PALD1: variants seen among roughly 807,000 people sequenced by gnomAD.
PALD1 encodes paladin.
A neutral mutation model predicts 96.0 loss-of-function variants in PALD1; 57 were observed. The observed-to-expected ratio is 0.59, with a 90% CI of 0.48 to 0.74. The LOEUF (loss-of-function observed/expected upper bound fraction) is 0.74, where lower values mean the gene tolerates loss of function less well. Ranked by LOEUF, PALD1 falls within the 30% of genes least tolerant of loss-of-function variation. The probability of loss-of-function intolerance (pLI) is 0.00; values close to 1 mark genes in which losing one functional copy is unlikely to be tolerated. For synonymous variants in PALD1, 464 were observed against 473.6 expected (o/e 0.98, Z 0.26); for missense variants, 1,063 against 1,143.7 (o/e 0.93, Z 1.02).
At chr10:70,565,164 G>A (rs368774282) in intron 19 of PALD1, among the ~76,000 whole-genome samples, 46 of 152,356 alleles carry the variant, frequency 3.0e-4, no homozygotes, top group African/African-American at 1.0e-3. Context: ...TACAGAGGCA[G>A]AGACTGAGCA....
At chr10:70,490,152 A>G (rs1846076429) in intron 1 of PALD1, among the ~76,000 whole-genome samples, 1 of 151,752 alleles carries the variant, frequency 6.6e-6, no homozygotes. Context: ...TGAACTCCTG[A>G]CCTCAGGTGA....
At chr10:70,541,032 A>T in intron 15 of PALD1, 70 bp from the exon 16 acceptor site, 1 of 1,496,260 alleles carries the variant, frequency 6.7e-7, no homozygotes, top group Non-Finnish European at 9.0e-7. Flanking sequence ...TGCCATGTGG[A>T]TGGGGACCCT....
intron 1 of PALD1, among the ~76,000 whole-genome samples, chr10:70,496,218 G>T (rs1206966085): frequency 6.6e-6 from 1 of 152,138 alleles, no homozygotes; most frequent in Non-Finnish European, 1.5e-5. Flanking sequence ...TAGCCTCACT[G>T]CAGTCCTCAG....
chr10:70,529,208 G>GGCC, intron 2 of PALD1, 21 bp from the exon 3 acceptor site: 2 of 273,316 alleles, frequency 7.3e-6, no homozygotes, highest in South Asian at 2.5e-5. Context: ...TTTCCATTCT[G>GGCC]CCCCCCCCCC....
At chr10:70,523,592 G>C (rs1286849001) in intron 1 of PALD1, among the ~76,000 whole-genome samples, 7 of 152,154 alleles carry the variant, frequency 4.6e-5, no homozygotes, top group Admixed American at 4.6e-4. Context: ...TTCTGTTTGG[G>C]AACATAGAGG....
At chr10:70,484,327 A>T (rs569844739) in intron 1 of PALD1, among the ~76,000 whole-genome samples, 21 of 152,258 alleles carry the variant, frequency 1.4e-4, no homozygotes, top group African/African-American at 4.6e-4. Context: ...AAAAAAGACT[A>T]AAATGGATTT....
At position 70,510,243 on chromosome 10, in the gene PALD1, T is replaced by TAGG. The variant is rs575448219; in HGVS notation, c.-29-15679_-29-15677dup. Among the ~76,000 whole-genome samples, 712 of 152,232 alleles carry TAGG rather than the reference T, an allele frequency of 4.7e-3. 4 individuals are homozygous for TAGG. Among genetic ancestry groups the TAGG allele is most frequent in the African/African-American group, 0.016 (685 of 41,522 alleles). ...TCCCCAGCTCCTTGAAATGATGCTT[T>TAGG]AGGTACCTGGGAGATTGCTGGAGGT... is the stretch of plus-strand genomic sequence containing the variant. On this transcript the variant is annotated intron_variant, in intron 1 of 19. Transcript: ENST00000263563.
intron 1 of PALD1, among the ~76,000 whole-genome samples, chr10:70,501,834 T>TGTGTGTGTGTGTGTGTGTGTGTGCGC (rs774868338): frequency 1.7e-3 from 248 of 149,474 alleles, no homozygotes; most frequent in Non-Finnish European, 2.9e-3. Flanking sequence ...TGTGTGTGTG[T>TGTGTGTGTGTGTGTGTGTGTGTGCGC]GCGTGCGTGC....
At chr10:70,545,869 G>A (rs956206347) in intron 17 of PALD1, among the ~76,000 whole-genome samples, 1 of 152,140 alleles carries the variant, frequency 6.6e-6, no homozygotes, top group African/African-American at 2.4e-5. Flanking sequence ...GCCCTAGTAC[G>A]TGACAGCTAT....
chr10:70,459,457 G>A, the PALD1 span, among the ~76,000 whole-genome samples: 1 of 151,532 alleles, frequency 6.6e-6, no homozygotes, highest in South Asian at 2.1e-4. Flanking sequence ...GGATCTCTCT[G>A]ACCGTGCCTG....
chr10:70,514,039 T>C (rs1342212119), intron 1 of PALD1, among the ~76,000 whole-genome samples: 1 of 152,188 alleles, frequency 6.6e-6, no homozygotes, highest in Non-Finnish European at 1.5e-5. Flanking sequence ...ACAGCTTCTC[T>C]CCACTCAGTG....
intron 1 of PALD1, among the ~76,000 whole-genome samples, chr10:70,493,023 A>AT (rs1003833819): frequency 2.0e-5 from 3 of 152,112 alleles, no homozygotes; most frequent in African/African-American, 7.2e-5. Context: ...CCATAGTCCC[A>AT]TTTTTGTGGG....
rs1240966391 is a variant in PALD1, at chr10:70,539,037, C to T, written c.1569+29C>T. On this transcript the variant is annotated intron_variant, in intron 13 of 19. Transcript: ENST00000263563. The surrounding 1 kb of genome is among the most constrained non-coding windows in gnomAD (Gnocchi z 4.5). ...ACCGGCCCTCAGGGCCTGGGTCCCCCAGTGGGTTTGGGGAGGGAGGGCTGA... is the reference window on the plus strand; with the variant it reads ...ACCGGCCCTCAGGGCCTGGGTCCCCTAGTGGGTTTGGGGAGGGAGGGCTGA... 1.2e-6 allele frequency: 2 copies of T among 1,613,486 alleles called. No individual in the cohort carries two copies. The highest frequency in any genetic ancestry group is 1.1e-5 in the South Asian group (1 of 91,054).
the PALD1 span, among the ~76,000 whole-genome samples, chr10:70,460,530 A>G: frequency 6.6e-6 from 1 of 151,866 alleles, no homozygotes; most frequent in South Asian, 2.1e-4. Context: ...CCAACCTCAT[A>G]CCAGCCATGT....
intron 18 of PALD1, among the ~76,000 whole-genome samples, chr10:70,563,039 T>C (rs562383535): frequency 6.6e-6 from 1 of 152,032 alleles, no homozygotes; most frequent in African/African-American, 2.4e-5. Flanking sequence ...TAACCTTAGC[T>C]ATAGAGAGTC....
At chr10:70,541,724 C>G (rs1043987036) in intron 17 of PALD1, among the ~76,000 whole-genome samples, 190 bp downstream of exon 17, 2 of 152,212 alleles carry the variant, frequency 1.3e-5, no homozygotes, top group Non-Finnish European at 2.9e-5. Context: ...GGCTCTGAGG[C>G]CCTGGCAGAC....
In PALD1 at chr10:70,539,294, G is replaced by A. The variant is rs971651898; in HGVS notation, c.1725+47G>A. 6.5e-7 allele frequency: 1 copy of A among 1,550,072 alleles called. No homozygotes were observed. Among genetic ancestry groups the A allele is most frequent in the Non-Finnish European group, 8.7e-7 (1 of 1,148,140 alleles). ...GCACCCCTGCCTCCGAGGCTTCTGGGGAGTGGCCTGGGAGGGTCTTCAGAA... is the reference window on the plus strand; with the variant it reads ...GCACCCCTGCCTCCGAGGCTTCTGGAGAGTGGCCTGGGAGGGTCTTCAGAA... On this transcript the variant is annotated intron_variant, in intron 14 of 19. Coordinates refer to ENST00000263563, the MANE Select transcript of PALD1 (RefSeq NM_014431.3). This position sits in a 1 kb window ranked among gnomAD's most constrained non-coding sequence, Gnocchi z 4.5.
intron 1 of PALD1, among the ~76,000 whole-genome samples, chr10:70,500,768 G>A (rs1846278063): frequency 6.6e-6 from 1 of 152,198 alleles, no homozygotes; most frequent in Non-Finnish European, 1.5e-5. Flanking sequence ...GAGAAAGCTT[G>A]GACTCTCTTG....
chr10:70,533,163 A>G, intron 7 of PALD1, 93 bp downstream of exon 7: 1 of 976,346 alleles, frequency 1.0e-6, no homozygotes, highest in Non-Finnish European at 1.6e-6. Flanking sequence ...CCTTCCTCAG[A>G]GGAAGGCTTC....
Sources: gnomAD v4.1 joint callset for allele counts (sites outside exome capture counted in the v4.1 genomes callset) on GRCh38, gnomAD v4.1.1 for gene constraint, Gnocchi (gnomAD v3.1) non-coding constraint, MANE v1.5 for transcripts, NCBI Gene and HGNC (gene_info 2026-07-23, HGNC 2026-07-21) for gene names.